The following GLS variants were observed in gnomAD, a reference collection of about 807,000 sequenced individuals.
The protein encoded by GLS is glutaminase, also known as glutaminase kidney isoform, mitochondrial.
Under a neutral mutation model 86.7 loss-of-function variants are expected in GLS, and 36 were observed. That is an observed-to-expected ratio of 0.42 (90% CI 0.32 to 0.55). The LOEUF is 0.55. Among genes scored for constraint, GLS ranks in the 20% least tolerant of loss-of-function variants. The pLI is 0.17. For synonymous variants in GLS, 317 were observed against 305.9 expected, an observed-to-expected ratio of 1.04 and a Z score of -0.38; for missense variants, 528 against 833.4, an observed-to-expected ratio of 0.63 and a Z score of 4.51.
At position 190,921,047 on chromosome 2, in the gene GLS, A is replaced by T; in HGVS notation, c.1062A>T (p.Lys354Asn). The change falls in exon 8 of 18, where the codon AAA (lysine) becomes AAT (asparagine). Residue 354 changes from lysine (K) to asparagine (N), a missense_variant. Physicochemically the swap from Lys to Asn is moderately conservative, Grantham distance 94. Around this residue, in one of 4 missense-constraint regions of GLS, gnomAD observed 163 missense variants for 429.2 expected, o/e 0.38. Coordinates refer to ENST00000320717, the MANE Select transcript of GLS (RefSeq NM_014905.5). This position sits in a 1 kb window ranked among gnomAD's most constrained non-coding sequence, Gnocchi z 4.2. ...AGCAAGGAGTAAATAATGCTGAAAAATTTGACTATGTAAGTGCAACATGTC... is the reference window on the plus strand; with the variant it reads ...AGCAAGGAGTAAATAATGCTGAAAATTTTGACTATGTAAGTGCAACATGTC... ...LIKQGVNNAEKFDYVMQFLNK... is the reference protein window; with the variant it reads ...LIKQGVNNAENFDYVMQFLNK... 1 of 1,582,124 alleles carries T rather than the reference A, an allele frequency of 6.3e-7. No homozygotes were observed. The highest frequency in any genetic ancestry group is 8.7e-7 in the Non-Finnish European group (1 of 1,151,998).
At position 190,938,122 on chromosome 2, in the gene GLS, A is replaced by G. The variant is rs1198499147; in HGVS notation, c.1650+6485A>G. Among the ~76,000 whole-genome samples the G allele has an allele frequency of 6.6e-6, 1 of 151,426 alleles. No homozygotes were observed. Among genetic ancestry groups the G allele is most frequent in the African/African-American group, 2.4e-5 (1 of 41,404 alleles). On this transcript the variant is annotated intron_variant, in intron 14 of 17. Coordinates refer to ENST00000320717, the MANE Select transcript of GLS (RefSeq NM_014905.5). This position sits in a 1 kb window ranked among gnomAD's most constrained non-coding sequence, Gnocchi z 4.1. ...AGAATAATTCATTGTATTTATTTTT[A>G]AGCCATATTTCAATATCTGAGGATA...
intron 7 of GLS, among the ~76,000 whole-genome samples, chr2:190,911,927 A>G (rs1485922018): frequency 6.6e-6 from 1 of 152,140 alleles, no homozygotes; most frequent in African/African-American, 2.4e-5. Context: ...TAAATAATTA[A>G]TAGAAGACTT....
chr2:190,886,694 T>G (rs537080496), intron 1 of GLS, among the ~76,000 whole-genome samples: 1 of 152,298 alleles, frequency 6.6e-6, no homozygotes, highest in East Asian at 1.9e-4. Flanking sequence ...AGCAGGTGGA[T>G]CAGTTGAGGT....
intron 6 of GLS, among the ~76,000 whole-genome samples, chr2:190,907,395 T>C (rs1307987040): frequency 1.3e-5 from 2 of 152,026 alleles, no homozygotes; most frequent in African/African-American, 4.8e-5. Flanking sequence ...GTAGCTGGGA[T>C]TACAGGCATG....
In GLS at chr2:190,897,514, T is replaced by G. The variant is rs1286780465; in HGVS notation, c.605+1789T>G. 6.6e-6 allele frequency among the ~76,000 whole-genome samples: 1 copy of G among 152,204 alleles called. No homozygotes were observed. The highest frequency in any genetic ancestry group is 1.5e-5 in the Non-Finnish European group (1 of 68,038). ...AGGCAGTTTCCAACTTGACAAATGT[T>G]TTATGGTCTATATGAGCAACCAGTA... On this transcript the variant is annotated intron_variant, in intron 3 of 17. Coordinates refer to ENST00000320717, the MANE Select transcript of GLS (RefSeq NM_014905.5). This position sits in a 1 kb window ranked among gnomAD's most constrained non-coding sequence, Gnocchi z 4.3.
chr2:190,927,062 G>A, intron 11 of GLS: 1 of 372,802 alleles, frequency 2.7e-6, no homozygotes. Context: ...TTAGAGGCTG[G>A]CACTTCCTAG....
Position 190,953,718 on chromosome 2 carries a change from T to C in GLS, c.1712+92T>C, listed in dbSNP as rs1010432795. The C allele has an allele frequency of 1.5e-5, 13 of 865,126 alleles. No individual in the cohort carries two copies. The African/African-American group carries it at 2.0e-4, about 13-fold the overall frequency. 53.6% of individuals were successfully genotyped at this position (865,126 alleles called of 1,614,324 possible). ...CCATTTTAAGGTTAAAGTCTCACTTTTCTTTCCCTTTGATAAAAATGACCC... is the reference window on the plus strand; with the variant it reads ...CCATTTTAAGGTTAAAGTCTCACTTCTCTTTCCCTTTGATAAAAATGACCC... On this transcript the variant is annotated intron_variant, in intron 15 of 17. Transcript: ENST00000320717. The surrounding 1 kb of genome is among the most constrained non-coding windows in gnomAD (Gnocchi z 4.0).
intron 14 of GLS, chr2:190,934,661 T>G (rs1690215298): frequency 1.0e-6 from 1 of 981,688 alleles, no homozygotes; most frequent in Admixed American, 6.2e-5. Flanking sequence ...AAGTTGGTTT[T>G]ACTTTATTAA....
chr2:190,905,224 T>A lies in GLS; in HGVS notation c.979+57T>A. ...GAAATGTCTCATTTTCCTATGTAAA[T>A]CTAAGTCGTTTTAAACATTTTTTGA... On this transcript the variant is annotated intron_variant, in intron 6 of 17. Coordinates refer to ENST00000320717, the MANE Select transcript of GLS (RefSeq NM_014905.5). The surrounding 1 kb of genome is among the most constrained non-coding windows in gnomAD (Gnocchi z 4.6). 2 of 1,066,540 alleles carry A rather than the reference T, an allele frequency of 1.9e-6. No individual in the cohort carries two copies. The highest frequency in any genetic ancestry group is 2.8e-6 in the Non-Finnish European group (2 of 723,568). 66.1% of individuals were successfully genotyped at this position (1,066,540 alleles called of 1,614,324 possible). A position where few individuals can be genotyped will look rare whatever the true frequency, so the allele number is the denominator to read the frequency against.
intron 11 of GLS, among the ~76,000 whole-genome samples, chr2:190,926,689 A>T (rs940145609): frequency 6.6e-6 from 1 of 152,160 alleles, no homozygotes; most frequent in Non-Finnish European, 1.5e-5. Flanking sequence ...ACCCATAGTA[A>T]ATATCAAATA....
rs78997164 is a variant in GLS, at chr2:190,946,024, T to G, written c.1651-7541T>G. ...TTAATAACTGTGTCTCAGTAAATCT[T>G]TGGAAAGCTTAGGAATATGTGGCCT... On this transcript the variant is annotated intron_variant, in intron 14 of 17. Transcript: ENST00000320717. Among the ~76,000 whole-genome samples the G allele has an allele frequency of 5.7e-3, 874 of 152,290 alleles. 20 individuals are homozygous for G. Among genetic ancestry groups the G allele is most frequent in the East Asian group, 0.053 (273 of 5,190 alleles).
intron 14 of GLS, among the ~76,000 whole-genome samples, chr2:190,948,062 A>T (rs1347991763): frequency 6.6e-6 from 1 of 152,240 alleles, no homozygotes; most frequent in Non-Finnish European, 1.5e-5. Context: ...GGGGCTGTTG[A>T]TGCTAGAAAG....
In GLS at chr2:190,954,463, T is replaced by A. The variant is rs148882565; in HGVS notation, c.1713-121T>A. Reference sequence around the variant, plus strand: ...GGTTAATAAGGTCGGTAGTTCCCATTAATGAGCTTGATGAAGGATGGCACC... The same window carrying A: ...GGTTAATAAGGTCGGTAGTTCCCATAAATGAGCTTGATGAAGGATGGCACC... On this transcript the variant is annotated intron_variant, in intron 15 of 17. Coordinates refer to ENST00000320717, the MANE Select transcript of GLS (RefSeq NM_014905.5). The surrounding 1 kb of genome is among the most constrained non-coding windows in gnomAD (Gnocchi z 4.0). 4.5e-6 allele frequency: 3 copies of A among 663,008 alleles called. No homozygotes were observed. The East Asian group carries it at 8.1e-5, about 18-fold the overall frequency. 41.1% of individuals were successfully genotyped at this position (663,008 alleles called of 1,614,324 possible). A position where few individuals can be genotyped will look rare whatever the true frequency, so the allele number is the denominator to read the frequency against.
intron 5 of GLS, among the ~76,000 whole-genome samples, 172 bp from the exon 6 acceptor site, chr2:190,904,832 T>C (rs1203736280): frequency 2.0e-5 from 3 of 152,136 alleles, no homozygotes; most frequent in South Asian, 2.1e-4. Flanking sequence ...CTCCCACAGA[T>C]ATCAAAGGAT....
At position 190,949,239 on chromosome 2, in the gene GLS, T is replaced by C. The variant is rs1380078523; in HGVS notation, c.1651-4326T>C. On this transcript the variant is annotated intron_variant, in intron 14 of 17. Transcript: ENST00000320717. The surrounding 1 kb of genome is among the most constrained non-coding windows in gnomAD (Gnocchi z 4.0). The stretch of plus-strand genomic sequence containing the variant: ...GTTATCAGGAATGATTTTGGGTTTC[T>C]TGATACTCCGCTGCTTAGAAACCTG... 6.6e-6 allele frequency among the ~76,000 whole-genome samples: 1 copy of C among 152,214 alleles called. No homozygotes were observed. The highest frequency in any genetic ancestry group is 1.5e-5 in the Non-Finnish European group (1 of 68,034).
Position 190,953,687 on chromosome 2 carries a change from G to A in GLS, c.1712+61G>A, listed in dbSNP as rs767717643. On this transcript the variant is annotated intron_variant, in intron 15 of 17. Coordinates refer to ENST00000320717, the MANE Select transcript of GLS (RefSeq NM_014905.5). This position sits in a 1 kb window ranked among gnomAD's most constrained non-coding sequence, Gnocchi z 4.0. ...GATATTTATGAAGTTGCTTCTGGGC[G>A]AGCAGCCATTTTAAGGTTAAAGTCT... 1.5e-5 allele frequency: 17 copies of A among 1,145,398 alleles called. No homozygotes were observed. Among genetic ancestry groups the A allele is most frequent in the Admixed American group, 1.1e-4 (6 of 55,972 alleles). 71.0% of individuals were successfully genotyped at this position (1,145,398 alleles called of 1,614,324 possible). A position where few individuals can be genotyped will look rare whatever the true frequency, so the allele number is the denominator to read the frequency against.
At chr2:190,934,188 G>C (rs1018496593) in intron 14 of GLS, 2 of 977,742 alleles carry the variant, frequency 2.0e-6, no homozygotes, top group African/African-American at 3.5e-5. Flanking sequence ...TAGCATGATG[G>C]TGTATGTATG....
chr2:190,886,787 G>A (rs1688395180), intron 1 of GLS, among the ~76,000 whole-genome samples: 1 of 151,900 alleles, frequency 6.6e-6, no homozygotes, highest in Admixed American at 6.6e-5. Context: ...GTGGTGGCGG[G>A]CACCTGTAAT....
rs1051188081 is a variant in GLS, at chr2:190,943,116, A to G, written c.1651-10449A>G. On this transcript the variant is annotated intron_variant, in intron 14 of 17. Transcript: ENST00000320717. This position sits in a 1 kb window ranked among gnomAD's most constrained non-coding sequence, Gnocchi z 4.5. ...TTGGACACAATACTACCTTTAACAA[A>G]TAGAGGTTCTGTTAGTATGGAAGGG... Among the ~76,000 whole-genome samples, 7 of 152,212 alleles carry G rather than the reference A, an allele frequency of 4.6e-5. No homozygotes were observed. The highest frequency in any genetic ancestry group is 8.8e-5 in the Non-Finnish European group (6 of 68,026).
Sources: allele counts gnomAD v4.1 joint callset (sites outside exome capture counted in the v4.1 genomes callset), GRCh38; gene constraint gnomAD v4.1.1; regional missense constraint gnomAD v4.1.1; non-coding constraint Gnocchi (gnomAD v3.1); transcripts MANE v1.5; gene names NCBI Gene and HGNC (gene_info 2026-07-23, HGNC 2026-07-21).